CASP5: variants seen among roughly 807,000 people sequenced by gnomAD.
The protein encoded by CASP5 is caspase 5.
Under a neutral mutation model 45.2 loss-of-function variants are expected in CASP5, and 42 were observed. The observed-to-expected ratio is 0.93, with a 90% CI of 0.73 to 1.20. CASP5 has a LOEUF of 1.20. Ranked by LOEUF, CASP5 falls within the 50% of genes most tolerant of loss-of-function variation. CASP5 has a pLI of 0.00. For missense variants in CASP5, 512 were observed against 532.2 expected (o/e 0.96, Z 0.37); for synonymous variants, 209 against 186.2 (o/e 1.12, Z -1.00).
chr11:105,003,486 A>ACT (rs557436159), intron 3 of CASP5, 103 bp from the exon 4 acceptor site: 2 of 651,854 alleles, frequency 3.1e-6, no homozygotes, highest in Non-Finnish European at 2.6e-6. Flanking sequence ...TAGGAAAAAG[A>ACT]CTCTTTATAT....
chr11:105,009,129 C>T, intron 1 of CASP5, 149 bp from the exon 2 acceptor site: 1 of 674,294 alleles, frequency 1.5e-6, no homozygotes, highest in Non-Finnish European at 2.5e-6. Flanking sequence ...TTCTTTGTAC[C>T]TGTAGCATTC....
At chr11:105,019,839 C>T (rs911075522) in intron 1 of CASP5, among the ~76,000 whole-genome samples, 94 of 140,392 alleles carry the variant, frequency 6.7e-4, no homozygotes, top group South Asian at 1.8e-3. Flanking sequence ...CAAAGCCGGG[C>T]AGAGACACAA....
chr11:105,006,036 G>A (rs919800814), intron 3 of CASP5, among the ~76,000 whole-genome samples: 20 of 152,032 alleles, frequency 1.3e-4, no homozygotes, highest in African/African-American at 4.8e-4. Flanking sequence ...GTTCATGATC[G>A]TATGTGATTA....
At chr11:105,015,077 G>T (rs1007271619) in intron 1 of CASP5, among the ~76,000 whole-genome samples, 1 of 152,212 alleles carries the variant, frequency 6.6e-6, no homozygotes, top group Non-Finnish European at 1.5e-5. Flanking sequence ...GAAGTGTGCA[G>T]CCAGGACTGA....
At position 105,008,917 on chromosome 11, in the gene CASP5, C is replaced by T. The variant is rs1862136914; in HGVS notation, c.71G>A (p.Ser24Asn). The change falls in exon 2 of 10, where the codon AGT becomes AAT. Residue 24 changes from serine to asparagine, a missense_variant. Physicochemically the swap from Ser to Asn is conservative, Grantham distance 46. Transcript: ENST00000260315. Reference sequence around the variant, plus strand: ...GTTTATCACGAAGTTATCCAATCCACTCTGAAGGATACCTTTGAACATAGC... The same window carrying T: ...GTTTATCACGAAGTTATCCAATCCATTCTGAAGGATACCTTTGAACATAGC... ...FEAMFKGILQ[S>N]GLDNFVINHM... is the part of the protein sequence containing the mutation. The T allele has an allele frequency of 6.2e-7, 1 of 1,612,770 alleles. No homozygotes were observed. The highest frequency in any genetic ancestry group is 1.3e-5 in the African/African-American group (1 of 74,926).
At chr11:105,004,637 A>AT (rs913115765) in intron 3 of CASP5, among the ~76,000 whole-genome samples, 60 of 152,174 alleles carry the variant, frequency 3.9e-4, no homozygotes, top group African/African-American at 1.4e-3. Flanking sequence ...TATTTCATGT[A>AT]TTTTTTATAT....
chr11:105,000,509 AT>A lies in CASP5; in HGVS notation c.718-15del, dbSNP rs1160520532. 2 of 1,609,468 alleles carry A rather than the reference AT, an allele frequency of 1.2e-6. No individual in the cohort carries two copies. The highest frequency in any genetic ancestry group is 2.7e-5 in the African/African-American group (2 of 74,936). On this transcript the variant is annotated splice_polypyrimidine_tract_variant and intron_variant, in intron 5 of 9. Coordinates refer to ENST00000260315, the MANE Select transcript of CASP5 (RefSeq NM_004347.5). ...TGACTCCATATCCTATAAAAGAGCA[AT>A]GTCTAACTTCAGTCAGAGAAGCATC...
At chr11:105,009,747 ATATATATATATACACACACACACG>A (rs1862193898) in intron 1 of CASP5, among the ~76,000 whole-genome samples, 1 of 76,672 alleles carries the variant, frequency 1.3e-5, no homozygotes, top group Non-Finnish European at 2.5e-5. Context: ...ATATATATAT[ATATATATATATACACACACACACG>A]TATATATATA....
At chr11:105,006,943 A>C in intron 3 of CASP5, 140 bp downstream of exon 3, 1 of 789,974 alleles carries the variant, frequency 1.3e-6, no homozygotes, top group Non-Finnish European at 2.0e-6. Context: ...GGTGGTCTCT[A>C]ACAGGATGAT....
intron 1 of CASP5, among the ~76,000 whole-genome samples, chr11:105,020,059 G>T (rs375472339): frequency 6.9e-6 from 1 of 144,324 alleles, no homozygotes; most frequent in African/African-American, 2.5e-5. Flanking sequence ...CAAAAACCAC[G>T]TGATTATCTC....
chr11:105,013,880 T>C (rs1244941931), intron 1 of CASP5, among the ~76,000 whole-genome samples: 1 of 152,198 alleles, frequency 6.6e-6, no homozygotes, highest in Admixed American at 6.5e-5. Flanking sequence ...TTAAACTTCT[T>C]CTGCCTTCTG....
chr11:105,015,832 C>A (rs1296878463), intron 1 of CASP5, among the ~76,000 whole-genome samples: 1 of 151,702 alleles, frequency 6.6e-6, no homozygotes, highest in Non-Finnish European at 1.5e-5. Flanking sequence ...AGATGTAAAC[C>A]TTGGAGATAA....
chr11:105,016,886 C>T (rs1591176960), intron 1 of CASP5, among the ~76,000 whole-genome samples: 3 of 151,466 alleles, frequency 2.0e-5, no homozygotes, highest in Admixed American at 2.0e-4. Flanking sequence ...GCAGTAACCT[C>T]TGCAGACTTA....
chr11:105,013,392 A>G (rs1010854529), intron 1 of CASP5, among the ~76,000 whole-genome samples: 5 of 151,652 alleles, frequency 3.3e-5, no homozygotes, highest in Non-Finnish European at 5.9e-5. Context: ...AAATTGTTTG[A>G]CAGTGTAAAT....
intron 1 of CASP5, among the ~76,000 whole-genome samples, chr11:105,017,587 A>G (rs374360174): frequency 2.0e-5 from 3 of 152,292 alleles, no homozygotes; most frequent in African/African-American, 7.2e-5. Flanking sequence ...GAAATGAAGC[A>G]AGAAGGGAAG....
chr11:104,999,869 T>G (rs987453113), intron 6 of CASP5, among the ~76,000 whole-genome samples: 1 of 152,252 alleles, frequency 6.6e-6, no homozygotes, highest in African/African-American at 2.4e-5. Flanking sequence ...AATAGGGTGC[T>G]TGTATCACAT....
At chr11:105,011,142 G>A (rs3181167) in intron 1 of CASP5, among the ~76,000 whole-genome samples, 8,484 of 151,760 alleles carry the variant, frequency 0.056, 717 homozygotes, top group African/African-American at 0.19. Flanking sequence ...GTTGGAACAG[G>A]GAATGTGAAG....
chr11:105,011,033 T>C (rs967833810), intron 1 of CASP5, among the ~76,000 whole-genome samples: 1 of 151,694 alleles, frequency 6.6e-6, no homozygotes, highest in African/African-American at 2.4e-5. Flanking sequence ...GATAAGATGC[T>C]TAAGGAACTC....
chr11:105,010,456 CTGATATAATAAA>C (rs1435508760), intron 1 of CASP5, among the ~76,000 whole-genome samples: 2 of 123,276 alleles, frequency 1.6e-5, no homozygotes, highest in Non-Finnish European at 3.7e-5. Flanking sequence ...CATTATTATA[CTGATATAATAAA>C]TCAGTAATTA....
Sources: gnomAD v4.1 joint callset for allele counts (sites outside exome capture counted in the v4.1 genomes callset) on GRCh38, gnomAD v4.1.1 for gene constraint, MANE v1.5 for transcripts, NCBI Gene and HGNC (gene_info 2026-07-23, HGNC 2026-07-21) for gene names.